The following CPS1 variants were observed in gnomAD, a reference collection of about 807,000 sequenced individuals.
The protein encoded by CPS1 is carbamoyl-phosphate synthase 1.
CPS1 carries 109 observed loss-of-function variants against 174.6 expected under a neutral mutation model. The observed-to-expected ratio is 0.62, with a 90% CI of 0.53 to 0.73. The LOEUF is 0.73. CPS1 is among the 30% of genes least tolerant of loss of function. CPS1 has a pLI of 0.00. For missense variants in CPS1, 1,689 were observed against 1,821.9 expected, an observed-to-expected ratio of 0.93 and a Z score of 1.33; for synonymous variants, 637 against 632.0, an observed-to-expected ratio of 1.01 and a Z score of -0.12.
In CPS1 at chr2:210,600,550, T is replaced by G. The variant is rs779060657; in HGVS notation, c.1550-5T>G. The G allele has an allele frequency of 2.5e-6, 4 of 1,611,744 alleles. No individual in the cohort carries two copies. Among genetic ancestry groups the G allele is most frequent in the Non-Finnish European group, 3.4e-6 (4 of 1,178,628 alleles). Reference sequence around the variant, plus strand: ...AAAAACTAATCCTATTTGGTTCTTCTTTAGGAGTGGAACTATTCAAGAGAG... The same window carrying G: ...AAAAACTAATCCTATTTGGTTCTTCGTTAGGAGTGGAACTATTCAAGAGAG... On this transcript the variant is annotated splice_polypyrimidine_tract_variant and splice_region_variant and intron_variant, in intron 14 of 37. Transcript: ENST00000233072.
upstream of CPS1, among the ~76,000 whole-genome samples, chr2:210,551,693 T>C (rs919877402): frequency 6.6e-6 from 1 of 152,012 alleles, no homozygotes; most frequent in African/African-American, 2.4e-5. Context: ...CCAAACTTTA[T>C]GTTATCAAAT....
chr2:210,480,259 G>A (rs1007899553), intron 1 of CPS1, among the ~76,000 whole-genome samples: 9 of 152,156 alleles, frequency 5.9e-5, no homozygotes, highest in African/African-American at 2.2e-4. Flanking sequence ...CAGGAAGTGG[G>A]ATTTGTCACT....
chr2:210,667,442 A>T (rs182583411), intron 33 of CPS1, among the ~76,000 whole-genome samples: 1 of 152,238 alleles, frequency 6.6e-6, no homozygotes, highest in African/African-American at 2.4e-5. Context: ...TTCTATAATT[A>T]TGTTGGCTAT....
intron 1 of CPS1, among the ~76,000 whole-genome samples, chr2:210,503,452 C>A (rs913084655): frequency 2.6e-5 from 4 of 152,096 alleles, no homozygotes; most frequent in Admixed American, 6.6e-5. Flanking sequence ...TCACATTTTT[C>A]TTATTATTTC....
chr2:210,554,181 A>G (rs1559073447), upstream of CPS1, among the ~76,000 whole-genome samples: 1 of 122,344 alleles, frequency 8.2e-6, no homozygotes, highest in Non-Finnish European at 1.7e-5. Context: ...GTATGTATAT[A>G]TACACACACA....
chr2:210,573,890 G>A (rs944998205), intron 2 of CPS1, among the ~76,000 whole-genome samples: 21 of 152,032 alleles, frequency 1.4e-4, no homozygotes, highest in African/African-American at 3.9e-4. Context: ...TAGTAAGAAA[G>A]TTGAAATAAC....
chr2:210,522,042 G>T (rs1695840440), intron 1 of CPS1, among the ~76,000 whole-genome samples: 1 of 151,896 alleles, frequency 6.6e-6, no homozygotes, highest in Non-Finnish European at 1.5e-5. Context: ...TTGAAGCAAG[G>T]CTCTTCTGAC....
chr2:210,514,020 C>G (rs537384192), intron 1 of CPS1, among the ~76,000 whole-genome samples: 1 of 152,028 alleles, frequency 6.6e-6, no homozygotes, highest in South Asian at 2.1e-4. Flanking sequence ...TCTGGGCTCT[C>G]TATTCTGTTT....
At chr2:210,534,010 T>C (rs753130021) in intron 1 of CPS1, among the ~76,000 whole-genome samples, 2 of 152,194 alleles carry the variant, frequency 1.3e-5, no homozygotes, top group Non-Finnish European at 2.9e-5. Flanking sequence ...CCAGTGTCCT[T>C]AAGCTGCCCT....
At chr2:210,644,722 A>G (rs1454856330) in intron 25 of CPS1, among the ~76,000 whole-genome samples, 1 of 152,182 alleles carries the variant, frequency 6.6e-6, no homozygotes, top group African/African-American at 2.4e-5. Context: ...AGTGGCCAGG[A>G]TAAGTTAAGA....
chr2:210,586,581 C>T (rs1462262819), intron 6 of CPS1, among the ~76,000 whole-genome samples: 1 of 151,992 alleles, frequency 6.6e-6, no homozygotes, highest in South Asian at 2.1e-4. Flanking sequence ...TAAGATATTC[C>T]TCTCTGTTAA....
chr2:210,535,877 T>G (rs2106006139), intron 1 of CPS1, among the ~76,000 whole-genome samples: 1 of 140,744 alleles, frequency 7.1e-6, no homozygotes, highest in African/African-American at 2.6e-5. Flanking sequence ...TTGGGTAAAG[T>G]TCTACGCAGC....
Position 210,602,287 on chromosome 2 carries a change from G to C in CPS1, c.1793G>C (p.Gly598Ala). The C allele has an allele frequency of 6.2e-7, 1 of 1,612,660 alleles. No individual in the cohort carries two copies. Among genetic ancestry groups the C allele is most frequent in the Non-Finnish European group, 8.5e-7 (1 of 1,179,106 alleles). The change falls in exon 16 of 38, where the codon GGC (glycine) becomes GCC (alanine). Residue 598 changes from glycine to alanine, a missense_variant. Gly to Ala is a moderately conservative substitution (Grantham distance 60). Coordinates refer to ENST00000233072, the MANE Select transcript of CPS1 (RefSeq NM_001875.5). ...SAYALGGLGS[G>A]ICPNRETLMD... is the part of the protein sequence containing the mutation. The stretch of plus-strand genomic sequence containing the variant: ...TATGCACTGGGTGGGTTAGGCTCAG[G>C]CATCTGTCCCAACAGAGAGACTTTG...
intron 1 of CPS1, among the ~76,000 whole-genome samples, chr2:210,529,678 G>A (rs1206868028): frequency 6.6e-6 from 1 of 151,942 alleles, no homozygotes; most frequent in Non-Finnish European, 1.5e-5. Context: ...TCCACCAGAA[G>A]TAAGACAGAA....
chr2:210,555,951 A>G (rs978983284), upstream of CPS1, among the ~76,000 whole-genome samples: 2 of 152,048 alleles, frequency 1.3e-5, no homozygotes, highest in African/African-American at 2.4e-5. Context: ...TTGTTTCATG[A>G]AGTTTTTACA....
chr2:210,567,924 T>C (rs1697355072), intron 1 of CPS1, among the ~76,000 whole-genome samples: 1 of 152,188 alleles, frequency 6.6e-6, no homozygotes, highest in African/African-American at 2.4e-5. Context: ...GAAAACACCA[T>C]AGTGTCAGCA....
intron 1 of CPS1, among the ~76,000 whole-genome samples, chr2:210,490,067 A>AGAAGGGAG (rs1553717989): frequency 6.6e-6 from 1 of 150,880 alleles, no homozygotes; most frequent in African/African-American, 2.4e-5. Context: ...GATGGAAGGA[A>AGAAGGGAG]GAAGGAAGGA....
chr2:210,486,070 GTA>G (rs1468007213), intron 1 of CPS1, among the ~76,000 whole-genome samples: 1 of 122,366 alleles, frequency 8.2e-6, no homozygotes, highest in Non-Finnish European at 1.8e-5. Flanking sequence ...ATATATATAT[GTA>G]TATATATGTG....
chr2:210,671,538 A>T (rs1701302281), intron 34 of CPS1: 1 of 152,158 alleles, frequency 6.6e-6, no homozygotes, highest in Non-Finnish European at 1.5e-5. Flanking sequence ...TGTACTTTTC[A>T]CCTTTCGTAA....
Sources: allele counts gnomAD v4.1 joint callset (sites outside exome capture counted in the v4.1 genomes callset), GRCh38; gene constraint gnomAD v4.1.1; transcripts MANE v1.5; gene names NCBI Gene and HGNC (gene_info 2026-07-23, HGNC 2026-07-21).